GTF2F2: variants seen among roughly 807,000 people sequenced by gnomAD.
The protein encoded by GTF2F2 is general transcription factor IIF subunit 2.
In GTF2F2, 23 loss-of-function variants were observed where a neutral mutation model predicts 42.2. The observed-to-expected ratio is 0.55, with a 90% CI of 0.39 to 0.77. The LOEUF is 0.77. Ranked by LOEUF, GTF2F2 falls within the 30% of genes least tolerant of loss-of-function variation. The pLI is 0.00. For missense variants in GTF2F2, 261 were observed against 287.2 expected, an observed-to-expected ratio of 0.91 and a Z score of 0.66; for synonymous variants, 105 against 100.8, an observed-to-expected ratio of 1.04 and a Z score of -0.25.
intron 6 of GTF2F2, among the ~76,000 whole-genome samples, chr13:45,256,564 A>G (rs1876112792): frequency 6.6e-6 from 1 of 152,174 alleles, no homozygotes; most frequent in Admixed American, 6.5e-5. Context: ...ACTATAATCT[A>G]CCACATTGCA....
Position 45,283,820 on chromosome 13 carries a change from G to C in GTF2F2, c.*259G>C, listed in dbSNP as rs1877363095. The C allele has an allele frequency of 5.2e-6, 1 of 192,940 alleles. No individual in the cohort carries two copies. Among genetic ancestry groups the C allele is most frequent in the African/African-American group, 2.3e-5 (1 of 42,810 alleles). 12.0% of individuals were successfully genotyped at this position (192,940 alleles called of 1,614,324 possible). On this transcript the variant is annotated 3_prime_UTR_variant, in exon 8 of 8. Coordinates refer to ENST00000340473, the MANE Select transcript of GTF2F2 (RefSeq NM_004128.3). ...GTAGGAATAGGGGTTGGAGGATTAA[G>C]AGGGTTTTTCTTAAATATTAGCTTT... is the stretch of plus-strand genomic sequence containing the variant.
chr13:45,130,500 A>T (rs977434786), intron 1 of GTF2F2, among the ~76,000 whole-genome samples: 1 of 152,212 alleles, frequency 6.6e-6, no homozygotes, highest in Non-Finnish European at 1.5e-5. Flanking sequence ...CATGGGCAAA[A>T]GTGGAAGCAA....
rs1024498772 is a variant in GTF2F2 at position 45,193,505 on chromosome 13, A to T, written c.305-13919A>T. Reference sequence around the variant, plus strand: ...CCCAAGACAATCTGAATTGAAAGACAGCTTAAGGACAAATAAATAGCAAAA... The same window carrying T: ...CCCAAGACAATCTGAATTGAAAGACTGCTTAAGGACAAATAAATAGCAAAA... On this transcript the variant is annotated intron_variant, in intron 4 of 7. Coordinates refer to ENST00000340473, the MANE Select transcript of GTF2F2 (RefSeq NM_004128.3). 6 of 301,662 alleles carry T rather than the reference A, an allele frequency of 2.0e-5. No homozygotes were observed. The South Asian group carries it at 6.7e-4, about 34-fold the overall frequency. The allele number at this position is 301,662 out of a possible 1,614,324, so 18.7% of individuals were successfully genotyped here.
chr13:45,215,713 G>A (rs1175395966), intron 5 of GTF2F2, among the ~76,000 whole-genome samples: 3 of 150,462 alleles, frequency 2.0e-5, no homozygotes, highest in Non-Finnish European at 4.4e-5. Flanking sequence ...GTGAGCCATC[G>A]CACCACTGCA....
chr13:45,139,518 C>A (rs893880750), intron 2 of GTF2F2, among the ~76,000 whole-genome samples: 1 of 152,152 alleles, frequency 6.6e-6, no homozygotes, highest in Non-Finnish European at 1.5e-5. Context: ...ATGCCTTACT[C>A]CCACATTTCT....
chr13:45,207,001 CACAA>C (rs1298022537), intron 4 of GTF2F2: 5 of 134,912 alleles, frequency 3.7e-5, no homozygotes, highest in East Asian at 2.0e-4. Flanking sequence ...TATTCACATA[CACAA>C]ACACACACAC....
intron 4 of GTF2F2, among the ~76,000 whole-genome samples, chr13:45,165,310 A>AATATATATAT (rs1157066625): frequency 7.1e-6 from 1 of 141,702 alleles, no homozygotes; most frequent in African/African-American, 2.6e-5. Context: ...TTATATCTAA[A>AATATATATAT]ATATATATAT....
chr13:45,151,401 C>T (rs1332448757), intron 3 of GTF2F2, among the ~76,000 whole-genome samples: 1 of 151,824 alleles, frequency 6.6e-6, no homozygotes, highest in Non-Finnish European at 1.5e-5. Context: ...TGCTTTGTTG[C>T]CAAGGTTGGA....
At chr13:45,272,922 ATTTTTT>A (rs748355143) in intron 7 of GTF2F2, among the ~76,000 whole-genome samples, 11 of 96,316 alleles carry the variant, frequency 1.1e-4, no homozygotes, top group Non-Finnish European at 2.0e-4. Flanking sequence ...CACCTGGCTA[ATTTTTT>A]TTTTTTTTTT....
chr13:45,151,844 G>A lies in GTF2F2; in HGVS notation c.304+13G>A, dbSNP rs774234673. 6.0e-6 allele frequency: 8 copies of A among 1,322,936 alleles called. No homozygotes were observed. The highest frequency in any genetic ancestry group is 1.6e-5 in the South Asian group (1 of 63,054). The allele number at this position is 1,322,936 out of a possible 1,614,324, so 81.9% of individuals were successfully genotyped here. ...GAGAGCTCATCAGGTAAGTGGGAAT[G>A]GAATTATTTAATGTGATTCCTGTAC... On this transcript the variant is annotated intron_variant, in intron 4 of 7. Transcript: ENST00000340473.
At chr13:45,188,285 A>G (rs1345932275) in intron 4 of GTF2F2, among the ~76,000 whole-genome samples, 3 of 152,246 alleles carry the variant, frequency 2.0e-5, no homozygotes, top group Non-Finnish European at 4.4e-5. Flanking sequence ...GCTAGAAAAT[A>G]AAAGTCCCAA....
chr13:45,165,783 A>G (rs571352404), intron 4 of GTF2F2, among the ~76,000 whole-genome samples: 60 of 146,192 alleles, frequency 4.1e-4, no homozygotes, highest in Middle Eastern at 3.5e-3. Flanking sequence ...ATATCATTCC[A>G]TCCTTAAATT....
chr13:45,173,469 T>C (rs549663494), intron 4 of GTF2F2, among the ~76,000 whole-genome samples: 2 of 151,892 alleles, frequency 1.3e-5, no homozygotes, highest in African/African-American at 2.4e-5. Context: ...TGCAGAACAG[T>C]TCCATCACCA....
intron 4 of GTF2F2, chr13:45,194,652 C>T (rs940032742): frequency 8.1e-7 from 1 of 1,230,798 alleles, no homozygotes; most frequent in Non-Finnish European, 1.1e-6. Flanking sequence ...CGCCTTTATT[C>T]AGCCCCAGCC....
At chr13:45,279,809 G>A (rs1877185823) in intron 7 of GTF2F2, among the ~76,000 whole-genome samples, 1 of 152,112 alleles carries the variant, frequency 6.6e-6, no homozygotes, top group Admixed American at 6.5e-5. Flanking sequence ...GGAGGCTGAG[G>A]CAGGCGAATC....
chr13:45,199,121 C>T (rs569840989), intron 4 of GTF2F2, among the ~76,000 whole-genome samples: 134 of 152,326 alleles, frequency 8.8e-4, no homozygotes, highest in African/African-American at 3.0e-3. Context: ...CTTCCTAGGA[C>T]TAATAGGACG....
At chr13:45,152,859 G>T (rs1320238324) in intron 4 of GTF2F2, among the ~76,000 whole-genome samples, 1 of 152,118 alleles carries the variant, frequency 6.6e-6, no homozygotes, top group Non-Finnish European at 1.5e-5. Flanking sequence ...TAGCTTAATG[G>T]AGCTAATTTT....
intron 7 of GTF2F2, among the ~76,000 whole-genome samples, chr13:45,276,396 G>A (rs190162527): frequency 4.0e-5 from 6 of 151,398 alleles, no homozygotes; most frequent in Non-Finnish European, 7.4e-5. Flanking sequence ...GGAATTGTTC[G>A]GTCACATGGT....
chr13:45,269,082 G>A (rs184405736), intron 7 of GTF2F2, among the ~76,000 whole-genome samples: 19 of 152,176 alleles, frequency 1.2e-4, no homozygotes, highest in Admixed American at 1.0e-3. Context: ...CATAGAAGCC[G>A]CTGATCTCAA....
Sources: allele counts gnomAD v4.1 joint callset (sites outside exome capture counted in the v4.1 genomes callset), GRCh38; gene constraint gnomAD v4.1.1; transcripts MANE v1.5; gene names NCBI Gene and HGNC (gene_info 2026-07-23, HGNC 2026-07-21).